ARL1: variants seen among roughly 807,000 people sequenced by gnomAD.
The protein encoded by ARL1 is ARF like GTPase 1, also known as ADP-ribosylation factor-like protein 1.
ARL1 carries 17 observed loss-of-function variants against 30.1 expected under a neutral mutation model. That is an observed-to-expected ratio of 0.56 (90% CI 0.39 to 0.85). The LOEUF is 0.85. Ranked by LOEUF, ARL1 falls within the 40% of genes least tolerant of loss-of-function variation. The pLI is 0.00. For missense variants in ARL1, 102 were observed against 212.6 expected, an observed-to-expected ratio of 0.48 and a Z score of 3.24; for synonymous variants, 58 against 71.7, an observed-to-expected ratio of 0.81 and a Z score of 0.97.
At chr12:101,398,369 C>A (rs1218747119) in intron 4 of ARL1, among the ~76,000 whole-genome samples, 1 of 150,192 alleles carries the variant, frequency 6.7e-6, no homozygotes, top group Non-Finnish European at 1.5e-5. Context: ...GCACTCCAGC[C>A]TGGGCAACAA....
intron 4 of ARL1, among the ~76,000 whole-genome samples, chr12:101,399,957 C>T (rs1166271041): frequency 1.3e-5 from 2 of 152,042 alleles, no homozygotes; most frequent in African/African-American, 2.4e-5. Flanking sequence ...GACAGAGTCT[C>T]ACTCTTGTCA....
chr12:101,407,518 C>T, intron 1 of ARL1, 124 bp downstream of exon 1: 1 of 1,332,976 alleles, frequency 7.5e-7, no homozygotes, highest in Non-Finnish European at 1.0e-6. Context: ...AAGTCCTCCG[C>T]GACCCGCCCC....
intron 2 of ARL1, among the ~76,000 whole-genome samples, chr12:101,405,306 C>T (rs1459762524): frequency 1.3e-5 from 2 of 152,082 alleles, no homozygotes; most frequent in African/African-American, 4.8e-5. Context: ...GAAAAAAAGG[C>T]ACTTCACATG....
intron 4 of ARL1, among the ~76,000 whole-genome samples, chr12:101,397,527 C>G (rs961416224): frequency 6.6e-5 from 10 of 150,762 alleles, no homozygotes; most frequent in Non-Finnish European, 1.2e-4. Flanking sequence ...AAGACAGTGT[C>G]TCGCTCTGTT....
rs1871486128 is a variant in ARL1, at chr12:101,407,663, C to T, written c.-18G>A. 1 of 1,612,318 alleles carries T rather than the reference C, an allele frequency of 6.2e-7. No individual in the cohort carries two copies. Among genetic ancestry groups the T allele is most frequent in the Admixed American group, 1.7e-5 (1 of 59,988 alleles). ...TCACCCATGATGAACCCCCTGTCCT[C>T]CCTCGCCGATCTTCAGTGATTCCTT... On this transcript the variant is annotated 5_prime_UTR_variant, in exon 1 of 6. Transcript: ENST00000261636.
At chr12:101,406,247 C>A (rs935306212) in intron 1 of ARL1, among the ~76,000 whole-genome samples, 2 of 152,058 alleles carry the variant, frequency 1.3e-5, no homozygotes, top group Admixed American at 1.3e-4. Flanking sequence ...ATGGCCGCGG[C>A]CTTTGGGAAT....
intron 4 of ARL1, 83 bp from the exon 5 acceptor site, chr12:101,396,660 C>T (rs1304920318): frequency 5.2e-5 from 56 of 1,078,002 alleles, no homozygotes; most frequent in South Asian, 4.8e-4. Flanking sequence ...ACATTTTAAA[C>T]GTGTATTTTA....
rs773999547 is a variant in ARL1 at position 101,401,048 on chromosome 12, T to C, written c.336+14A>G. ...ATGACTGCCCCACATTTTAAAGTGG[T>C]TACGTTTTCTTACCTCCAACATGGC... On this transcript the variant is annotated intron_variant, in intron 4 of 5. Transcript: ENST00000261636. The C allele has an allele frequency of 6.4e-7, 1 of 1,570,494 alleles. No homozygotes were observed. Among genetic ancestry groups the C allele is most frequent in the Non-Finnish European group, 8.8e-7 (1 of 1,140,550 alleles).
chr12:101,401,257 C>A, intron 3 of ARL1, 84 bp from the exon 4 acceptor site: 1 of 867,394 alleles, frequency 1.2e-6, no homozygotes, highest in Non-Finnish European at 1.9e-6. Context: ...CTGTCCCACA[C>A]ATGTTAGAAT....
At chr12:101,397,476 G>A (rs1871180927) in intron 4 of ARL1, among the ~76,000 whole-genome samples, 1 of 151,798 alleles carries the variant, frequency 6.6e-6, no homozygotes, top group African/African-American at 2.4e-5. Context: ...CAGCCTAGGG[G>A]ACAGAGGGAG....
At position 101,393,311 on chromosome 12, in the gene ARL1, C is replaced by A. The variant is rs1473132713; in HGVS notation, c.*2329G>T. On this transcript the variant is annotated 3_prime_UTR_variant, in exon 6 of 6. Transcript: ENST00000261636. Reference sequence around the variant, plus strand: ...ATAACAGAAGTAATTCTACCACTCTCAAATTTTTTTTTTTAATGCAAGACA... The same window carrying A: ...ATAACAGAAGTAATTCTACCACTCTAAAATTTTTTTTTTTAATGCAAGACA... 1 of 151,642 alleles carries A rather than the reference C, an allele frequency of 6.6e-6. No individual in the cohort carries two copies. Among genetic ancestry groups the A allele is most frequent in the Non-Finnish European group, 1.5e-5 (1 of 67,968 alleles). 9.4% of individuals were successfully genotyped at this position (151,642 alleles called of 1,614,324 possible). A position where few individuals can be genotyped will look rare whatever the true frequency, so the allele number is the denominator to read the frequency against.
Position 101,393,837 on chromosome 12 carries a change from T to C in ARL1, c.*1803A>G, listed in dbSNP as rs1871075610. 1 of 152,150 alleles carries C rather than the reference T, an allele frequency of 6.6e-6. No homozygotes were observed. The highest frequency in any genetic ancestry group is 2.1e-4 in the South Asian group (1 of 4,816). The allele number at this position is 152,150 out of a possible 1,614,324, so 9.4% of individuals were successfully genotyped here. ...CCTCAGGCTGTAAGTGAACTTGCTT[T>C]CTGCATTTTCCAGCCATGTGCCATT... On this transcript the variant is annotated 3_prime_UTR_variant, in exon 6 of 6. Coordinates refer to ENST00000261636, the MANE Select transcript of ARL1 (RefSeq NM_001177.6).
chr12:101,395,996 C>G (rs1222523511), intron 5 of ARL1: 4 of 522,338 alleles, frequency 7.7e-6, no homozygotes, highest in East Asian at 6.4e-5. Context: ...ATCAAACTTA[C>G]AAGACAGCAA....
intron 4 of ARL1, among the ~76,000 whole-genome samples, 163 bp downstream of exon 4, chr12:101,400,899 C>T (rs1871288235): frequency 6.6e-6 from 1 of 152,160 alleles, no homozygotes; most frequent in South Asian, 2.1e-4. Flanking sequence ...TGTTTTGTCT[C>T]CAACCCTCCT....
At chr12:101,405,813 C>A in intron 2 of ARL1, 31 bp downstream of exon 2, 1 of 1,513,330 alleles carries the variant, frequency 6.6e-7, no homozygotes, top group Non-Finnish European at 8.8e-7. Flanking sequence ...CCAGAAAGTC[C>A]CTACAATTAG....
chr12:101,400,677 G>A (rs865926185), intron 4 of ARL1, among the ~76,000 whole-genome samples: 1 of 152,112 alleles, frequency 6.6e-6, no homozygotes. Context: ...AACGATAAAC[G>A]TGAGGCCAGC....
chr12:101,406,117 T>C (rs1239457389), intron 1 of ARL1, 136 bp from the exon 2 acceptor site: 4 of 671,158 alleles, frequency 6.0e-6, no homozygotes, highest in South Asian at 2.3e-5. Context: ...TGCATATTTT[T>C]CCTCCCAATG....
chr12:101,399,882 T>C (rs1871256128), intron 4 of ARL1, among the ~76,000 whole-genome samples: 1 of 152,162 alleles, frequency 6.6e-6, no homozygotes, highest in East Asian at 1.9e-4. Flanking sequence ...CTCAAAGAAC[T>C]TACATTTTAG....
At position 101,394,957 on chromosome 12, in the gene ARL1, A is replaced by G. The variant is rs1419455643; in HGVS notation, c.*683T>C. ...CTATTAGAACCCTGGGTTCACGTCCATACAGTGAAGACATCATAACCTGTC... is the reference window on the plus strand; with the variant it reads ...CTATTAGAACCCTGGGTTCACGTCCGTACAGTGAAGACATCATAACCTGTC... On this transcript the variant is annotated 3_prime_UTR_variant, in exon 6 of 6. Transcript: ENST00000261636. 6.6e-6 allele frequency: 1 copy of G among 152,170 alleles called. No homozygotes were observed. Among genetic ancestry groups the G allele is most frequent in the African/African-American group, 2.4e-5 (1 of 41,440 alleles). 9.4% of individuals were successfully genotyped at this position (152,170 alleles called of 1,614,324 possible).
Sources: gnomAD v4.1 joint callset for allele counts (sites outside exome capture counted in the v4.1 genomes callset) on GRCh38, gnomAD v4.1.1 for gene constraint, MANE v1.5 for transcripts, NCBI Gene and HGNC (gene_info 2026-07-23, HGNC 2026-07-21) for gene names.